ST3GAL3: variants seen among roughly 807,000 people sequenced by gnomAD.
ST3GAL3 encodes ST3 beta-galactoside alpha-2,3-sialyltransferase 3.
ST3GAL3 carries 21 observed loss-of-function variants against 50.1 expected under a neutral mutation model. The observed-to-expected ratio is 0.42, with a 90% CI of 0.30 to 0.60. The LOEUF (loss-of-function observed/expected upper bound fraction) is 0.60. Ranked by LOEUF, ST3GAL3 falls within the 20% of genes least tolerant of loss-of-function variation. ST3GAL3 has a pLI of 0.19. For missense variants in ST3GAL3, 353 were observed against 489.4 expected (o/e 0.72, Z 2.63); for synonymous variants, 183 against 190.0 (o/e 0.96, Z 0.30).
At chr1:43,751,337 A>G (rs1323748328) in intron 2 of ST3GAL3, among the ~76,000 whole-genome samples, 2 of 152,218 alleles carry the variant, frequency 1.3e-5, no homozygotes, top group Non-Finnish European at 2.9e-5. Context: ...TGTGTATTCA[A>G]AAGTATAAAT....
intron 9 of ST3GAL3, among the ~76,000 whole-genome samples, chr1:43,915,292 GCCACGCC>G (rs2081596242): frequency 1.3e-5 from 2 of 152,320 alleles, no homozygotes; most frequent in Admixed American, 1.3e-4. Context: ...TCTGTGCTGT[GCCACGCC>G]CTGGGCTACA....
At chr1:43,886,817 G>T (rs184534995) in intron 5 of ST3GAL3, among the ~76,000 whole-genome samples, 1 of 152,336 alleles carries the variant, frequency 6.6e-6, no homozygotes, top group East Asian at 1.9e-4. Flanking sequence ...GCTAAAGCGG[G>T]TACATGGCCA....
In ST3GAL3 at chr1:43,851,753, C is replaced by T. The variant is rs1405971975; in HGVS notation, c.302+13442C>T. ...TGCTATTGCATGGGTCCGAAGCTGC[C>T]GGAACACAGCCCCGCACATGTGCCT... is the stretch of plus-strand genomic sequence containing the variant. On this transcript the variant is annotated intron_variant, in intron 5 of 11. Transcript: ENST00000347631. The T allele has an allele frequency of 7.4e-5, 66 of 886,930 alleles. No individual in the cohort carries two copies. The South Asian group carries it at 8.5e-4, about 11-fold the overall frequency. 54.9% of individuals were successfully genotyped at this position (886,930 alleles called of 1,614,324 possible).
rs1283523261 is a variant in ST3GAL3 at position 43,894,389 on chromosome 1, C to G, written c.309C>G (p.Ser103=). Residue 103 remains serine, a synonymous_variant, in exon 6 of 12, where the codon TCC becomes TCG. Transcript: ENST00000347631. ...ALMTAIFPRF[S]KPAPMFLDDS... is the part of the protein sequence containing the mutation. Reference sequence around the variant, plus strand: ...CAGTCCTGTTATATTCCAGGTTCTCCAAGCCAGCACCCATGTTCCTGGATG... The same window carrying G: ...CAGTCCTGTTATATTCCAGGTTCTCGAAGCCAGCACCCATGTTCCTGGATG... 2 of 1,614,140 alleles carry G rather than the reference C, an allele frequency of 1.2e-6. No homozygotes were observed. Among genetic ancestry groups the G allele is most frequent in the Non-Finnish European group, 1.7e-6 (2 of 1,180,000 alleles).
chr1:43,881,726 C>T (rs541114289), intron 5 of ST3GAL3, among the ~76,000 whole-genome samples: 14 of 151,726 alleles, frequency 9.2e-5, no homozygotes, highest in Admixed American at 5.9e-4. Flanking sequence ...TGTCTGGACA[C>T]GGATGTGGCC....
intron 5 of ST3GAL3, chr1:43,851,158 G>A: frequency 7.5e-7 from 1 of 1,340,892 alleles, no homozygotes; most frequent in East Asian, 2.3e-5. Flanking sequence ...TCAGCTTCGG[G>A]TGGAAGAGGC....
chr1:43,769,007 A>G (rs1694123328), intron 2 of ST3GAL3, among the ~76,000 whole-genome samples: 1 of 152,348 alleles, frequency 6.6e-6, no homozygotes, highest in Non-Finnish European at 1.5e-5. Context: ...CTCAACAGAC[A>G]TTTAGCAAAT....
In ST3GAL3 at chr1:43,743,930, A is replaced by G. The variant is rs1053567234; in HGVS notation, c.118+7550A>G. ...TACTTTTAAGAAAACAAAATGGCCA[A>G]TGGTATGTTTTGATTACCATCAAAT... On this transcript the variant is annotated intron_variant, in intron 2 of 11. Transcript: ENST00000347631. 4.7e-5 allele frequency among the ~76,000 whole-genome samples: 7 copies of G among 149,102 alleles called. No individual in the cohort carries two copies. In the South Asian group the frequency reaches 6.6e-4, roughly 14 times the overall value.
intron 2 of ST3GAL3, among the ~76,000 whole-genome samples, chr1:43,778,276 C>G (rs189145394): frequency 6.6e-6 from 1 of 151,994 alleles, no homozygotes; most frequent in Non-Finnish European, 1.5e-5. Flanking sequence ...GGGCCTGGTG[C>G]GGGGAAGGAG....
At chr1:43,930,007 A>G (rs757012423) in intron 11 of ST3GAL3, 125 bp from the exon 12 acceptor site, 2 of 815,800 alleles carry the variant, frequency 2.5e-6, no homozygotes, top group African/African-American at 1.7e-5. Flanking sequence ...GATTACCAGT[A>G]TCTGCCTTCA....
intron 9 of ST3GAL3, among the ~76,000 whole-genome samples, chr1:43,908,490 G>T (rs972954032): frequency 6.6e-6 from 1 of 152,158 alleles, no homozygotes; most frequent in African/African-American, 2.4e-5. Flanking sequence ...TGGGCCCAGC[G>T]TTCTCTTTTA....
rs1049557154 is a variant in ST3GAL3, at chr1:43,737,364, T to G, written c.118+984T>G. 1 of 152,210 alleles carries G rather than the reference T, an allele frequency of 6.6e-6. No homozygotes were observed. The highest frequency in any genetic ancestry group is 1.5e-5 in the Non-Finnish European group (1 of 68,038). The allele number at this position is 152,210 out of a possible 1,614,324, so 9.4% of individuals were successfully genotyped here. ...GTGAGTGGGAAGAAGCAACGGGCAA[T>G]TGGCCTGCTGTTGTTCTAAGACCCT... On this transcript the variant is annotated intron_variant, in intron 2 of 11. Transcript: ENST00000347631. This position sits in a 1 kb window ranked among gnomAD's most constrained non-coding sequence, Gnocchi z 4.0.
At chr1:43,914,771 G>C (rs189917291) in intron 9 of ST3GAL3, 1 of 152,598 alleles carries the variant, frequency 6.6e-6, no homozygotes, top group East Asian at 1.9e-4. Flanking sequence ...GGAACCCCAG[G>C]TGGGAAGCTG....
chr1:43,732,813 T>C (rs559064565), intron 1 of ST3GAL3, among the ~76,000 whole-genome samples: 2 of 152,200 alleles, frequency 1.3e-5, no homozygotes, highest in South Asian at 4.1e-4. Flanking sequence ...AAAAAAGTCA[T>C]AGGAATAGAA....
chr1:43,746,776 T>C (rs532553343), intron 2 of ST3GAL3, among the ~76,000 whole-genome samples: 1 of 149,486 alleles, frequency 6.7e-6, no homozygotes. Context: ...TTTTGTTTTT[T>C]TTTTTGAGAC....
chr1:43,851,206 A>G (rs918371124), intron 5 of ST3GAL3: 1 of 1,473,890 alleles, frequency 6.8e-7, no homozygotes, highest in African/African-American at 1.4e-5. Context: ...TGATGTAGCC[A>G]GTGTCTGGGT....
At chr1:43,708,046 A>G (rs1325403603) in intron 1 of ST3GAL3, 1 of 152,376 alleles carries the variant, frequency 6.6e-6, no homozygotes, top group African/African-American at 2.4e-5. Context: ...AAAGGAAAGA[A>G]AAGTCCAGGG....
intron 1 of ST3GAL3, among the ~76,000 whole-genome samples, chr1:43,735,258 G>A (rs972256538): frequency 6.6e-6 from 1 of 152,190 alleles, no homozygotes; most frequent in East Asian, 1.9e-4. Flanking sequence ...TACTCGACAT[G>A]GCACAAGGGA....
intron 3 of ST3GAL3, among the ~76,000 whole-genome samples, chr1:43,800,852 G>T (rs2059236848): frequency 6.6e-6 from 1 of 152,122 alleles, no homozygotes; most frequent in Non-Finnish European, 1.5e-5. Flanking sequence ...CCAAGCCATG[G>T]CATATATTAC....
Sources: gnomAD v4.1 joint callset for allele counts (sites outside exome capture counted in the v4.1 genomes callset) on GRCh38, gnomAD v4.1.1 for gene constraint, Gnocchi (gnomAD v3.1) non-coding constraint, MANE v1.5 for transcripts, NCBI Gene and HGNC (gene_info 2026-07-23, HGNC 2026-07-21) for gene names.